The following SLC9A9 variants were observed in gnomAD, a reference collection of about 807,000 sequenced individuals.
SLC9A9 encodes the protein solute carrier family 9 member A9, also known as sodium/hydrogen exchanger 9.
Under a neutral mutation model 77.8 loss-of-function variants are expected in SLC9A9, and 62 were observed. That is an observed-to-expected ratio of 0.80 (90% CI 0.65 to 0.98). The LOEUF (loss-of-function observed/expected upper bound fraction) is 0.98, where lower values mean the gene tolerates loss of function less well. Among genes scored for constraint, SLC9A9 ranks in the 50% least tolerant of loss-of-function variants. The probability of loss-of-function intolerance (pLI) is 0.00; values close to 1 mark genes in which losing one functional copy is unlikely to be tolerated. For synonymous variants in SLC9A9, 320 were observed against 283.5 expected (o/e 1.13, Z -1.29); for missense variants, 775 against 774.9 (o/e 1.00, Z 0.00).
chr3:143,304,027 G>C (rs1191925590), intron 14 of SLC9A9, among the ~76,000 whole-genome samples: 2 of 152,168 alleles, frequency 1.3e-5, no homozygotes, highest in Non-Finnish European at 2.9e-5. Context: ...ATACTGAATG[G>C]GGGAAAGAGG....
intron 14 of SLC9A9, among the ~76,000 whole-genome samples, chr3:143,304,254 T>G (rs2030674023): frequency 6.6e-6 from 1 of 152,218 alleles, no homozygotes; most frequent in African/African-American, 2.4e-5. Context: ...CCTAGATAGA[T>G]GGCCTCAGGG....
At chr3:143,449,939 T>C (rs1173837320) in intron 12 of SLC9A9, among the ~76,000 whole-genome samples, 3 of 89,310 alleles carry the variant, frequency 3.4e-5, no homozygotes, top group Non-Finnish European at 5.6e-5. Flanking sequence ...TACATGTATA[T>C]ATATTATAAT....
At chr3:143,697,074 G>T (rs1933662652) in intron 4 of SLC9A9, among the ~76,000 whole-genome samples, 1 of 151,572 alleles carries the variant, frequency 6.6e-6, no homozygotes, top group African/African-American at 2.4e-5. Context: ...CATGTCAAAT[G>T]AATGAATAAC....
chr3:143,536,748 ATC>A (rs1298457592), intron 9 of SLC9A9, among the ~76,000 whole-genome samples: 1 of 152,208 alleles, frequency 6.6e-6, no homozygotes, highest in Non-Finnish European at 1.5e-5. Flanking sequence ...AAATAGCCAA[ATC>A]TTGATAGTTC....
At position 143,399,365 on chromosome 3, in the gene SLC9A9, C is replaced by T. The variant is rs114124765; in HGVS notation, c.1470-17251G>A. 5.3e-3 allele frequency among the ~76,000 whole-genome samples: 804 copies of T among 152,122 alleles called. 9 individuals are homozygous for T. Among genetic ancestry groups the T allele is most frequent in the African/African-American group, 0.019 (769 of 41,500 alleles). On this transcript the variant is annotated intron_variant, in intron 12 of 15. Transcript: ENST00000316549. ...TTGGGCTGAAGTGCATGCTTGCGTG[C>T]ATGACTATGTTAAAAAGAAATTAAA...
intron 4 of SLC9A9, among the ~76,000 whole-genome samples, chr3:143,777,780 T>C (rs1352056059): frequency 6.6e-6 from 1 of 150,844 alleles, no homozygotes; most frequent in East Asian, 1.9e-4. Flanking sequence ...AGTGGTGTGA[T>C]CTCTGCTCAC....
chr3:143,342,626 A>G (rs2032138952), intron 14 of SLC9A9, among the ~76,000 whole-genome samples: 1 of 152,234 alleles, frequency 6.6e-6, no homozygotes, highest in South Asian at 2.1e-4. Flanking sequence ...ACAGCTTCCA[A>G]TAGCCAGATT....
At chr3:143,797,391 C>T (rs1356523863) in intron 2 of SLC9A9, among the ~76,000 whole-genome samples, 1 of 152,006 alleles carries the variant, frequency 6.6e-6, no homozygotes, top group Non-Finnish European at 1.5e-5. Flanking sequence ...ACTTAAATGT[C>T]AAAATAAACT....
intron 14 of SLC9A9, among the ~76,000 whole-genome samples, chr3:143,304,402 G>C (rs1038047946): frequency 6.6e-6 from 1 of 152,204 alleles, no homozygotes; most frequent in African/African-American, 2.4e-5. Flanking sequence ...TTAGACATGG[G>C]ATGTATTCCC....
intron 4 of SLC9A9, among the ~76,000 whole-genome samples, chr3:143,772,389 A>T (rs2108840849): frequency 6.6e-6 from 1 of 152,322 alleles, no homozygotes. Context: ...TAGTTACAGA[A>T]AAAAGTAAAA....
intron 4 of SLC9A9, among the ~76,000 whole-genome samples, chr3:143,706,963 A>G (rs1933998870): frequency 6.6e-6 from 1 of 152,146 alleles, no homozygotes; most frequent in African/African-American, 2.4e-5. Context: ...TTTGGTCCCC[A>G]GTCTGAAAGA....
intron 12 of SLC9A9, among the ~76,000 whole-genome samples, chr3:143,394,275 C>T (rs1252344811): frequency 6.6e-6 from 1 of 152,200 alleles, no homozygotes; most frequent in Non-Finnish European, 1.5e-5. Flanking sequence ...GGCTTCATCC[C>T]TGGGATGCAA....
chr3:143,301,299 A>G (rs1163507883), intron 14 of SLC9A9, among the ~76,000 whole-genome samples: 4 of 152,214 alleles, frequency 2.6e-5, no homozygotes, highest in Non-Finnish European at 4.4e-5. Flanking sequence ...ATAGTCTTCT[A>G]TCTCTCTCCC....
rs552922324 is a variant in SLC9A9 at position 143,411,681 on chromosome 3, T to C, written c.1470-29567A>G. Among the ~76,000 whole-genome samples the C allele has an allele frequency of 2.6e-3, 401 of 152,340 alleles. 2 individuals are homozygous for C. Among genetic ancestry groups the C allele is most frequent in the African/African-American group, 9.3e-3 (385 of 41,580 alleles). On this transcript the variant is annotated intron_variant, in intron 12 of 15. Transcript: ENST00000316549. ...TTACTTTTATTAATGTCTTCTCTCTTTCCATTAGTTCTACTATAAATAACG... is the reference window on the plus strand; with the variant it reads ...TTACTTTTATTAATGTCTTCTCTCTCTCCATTAGTTCTACTATAAATAACG...
Position 143,450,237 on chromosome 3 carries a change from C to T in SLC9A9, c.1469+16800G>A, listed in dbSNP as rs896262944. 3.8e-3 allele frequency among the ~76,000 whole-genome samples: 520 copies of T among 138,196 alleles called. 1 individual carries two copies. The highest frequency in any genetic ancestry group is 5.8e-3 in the Non-Finnish European group (377 of 65,398). 90.7% of individuals were successfully genotyped at this position (138,196 alleles called of 152,430 possible). A position where few individuals can be genotyped will look rare whatever the true frequency, so the allele number is the denominator to read the frequency against. On this transcript the variant is annotated intron_variant, in intron 12 of 15. Coordinates refer to ENST00000316549, the MANE Select transcript of SLC9A9 (RefSeq NM_173653.4). ...TAAGATAAATATAATATATAAATTA[C>T]ATATAATTTATATATTGTAACATAA... is the stretch of plus-strand genomic sequence containing the variant.
At chr3:143,572,320 T>TGC (rs1208094696) in intron 8 of SLC9A9, among the ~76,000 whole-genome samples, 1 of 149,138 alleles carries the variant, frequency 6.7e-6, no homozygotes, top group African/African-American at 2.4e-5. Flanking sequence ...TGTGTGTGTG[T>TGC]GTGCGCGTGT....
intron 12 of SLC9A9, among the ~76,000 whole-genome samples, chr3:143,454,394 C>A (rs535956203): frequency 2.0e-5 from 3 of 152,072 alleles, no homozygotes; most frequent in African/African-American, 4.8e-5. Flanking sequence ...ATCTAAGAAT[C>A]CTTTGCCTAA....
intron 4 of SLC9A9, among the ~76,000 whole-genome samples, chr3:143,734,000 C>A (rs949984472): frequency 2.6e-5 from 4 of 152,028 alleles, no homozygotes; most frequent in African/African-American, 9.7e-5. Flanking sequence ...AGTTCAAGAC[C>A]AGCCTGGGAA....
chr3:143,280,700 G>A (rs986694408), intron 14 of SLC9A9, among the ~76,000 whole-genome samples: 6 of 151,862 alleles, frequency 4.0e-5, no homozygotes, highest in Non-Finnish European at 7.4e-5. Context: ...ACAGGCTCCC[G>A]CTGCCATGCC....
Sources: allele counts gnomAD v4.1 joint callset (sites outside exome capture counted in the v4.1 genomes callset), GRCh38; gene constraint gnomAD v4.1.1; transcripts MANE v1.5; gene names NCBI Gene and HGNC (gene_info 2026-07-23, HGNC 2026-07-21).